Variants in PPP3R1 observed in about 807,000 individuals in gnomAD.
PPP3R1 encodes the protein protein phosphatase 3 regulatory subunit B, alpha.
In PPP3R1, 5 loss-of-function variants were observed where a neutral mutation model predicts 22.6. The observed-to-expected ratio is 0.22, with a 90% CI of 0.12 to 0.46. The LOEUF (loss-of-function observed/expected upper bound fraction) is 0.46. Ranked by LOEUF, PPP3R1 falls within the 20% of genes least tolerant of loss-of-function variation. The probability of loss-of-function intolerance (pLI) is 0.99; values close to 1 mark genes in which losing one functional copy is unlikely to be tolerated. For synonymous variants in PPP3R1, 56 were observed against 65.2 expected, an observed-to-expected ratio of 0.86 and a Z score of 0.68; for missense variants, 61 against 203.2, an observed-to-expected ratio of 0.30 and a Z score of 4.25.
intron 1 of PPP3R1, among the ~76,000 whole-genome samples, chr2:68,238,073 C>T (rs564659681): frequency 5.8e-4 from 89 of 152,176 alleles, no homozygotes; most frequent in Non-Finnish European, 1.0e-3. Flanking sequence ...CTATTTGTGC[C>T]TAACACACTG....
At chr2:68,219,695 T>C (rs1669648051) in intron 1 of PPP3R1, among the ~76,000 whole-genome samples, 1 of 152,156 alleles carries the variant, frequency 6.6e-6, no homozygotes, top group Non-Finnish European at 1.5e-5. Flanking sequence ...AATACTAAAA[T>C]AATGATAGAT....
intron 1 of PPP3R1, among the ~76,000 whole-genome samples, chr2:68,230,387 G>A (rs1217411099): frequency 6.6e-6 from 1 of 152,032 alleles, no homozygotes; most frequent in Admixed American, 6.6e-5. Flanking sequence ...TGTATCTGTA[G>A]AGCTTCCTTA....
chr2:68,236,283 C>T (rs1385128775), intron 1 of PPP3R1, among the ~76,000 whole-genome samples: 1 of 152,126 alleles, frequency 6.6e-6, no homozygotes, highest in African/African-American at 2.4e-5. Flanking sequence ...CATACTGCCA[C>T]ACTCATTCAT....
At chr2:68,198,284 T>C (rs529298747) in intron 2 of PPP3R1, among the ~76,000 whole-genome samples, 4 of 146,486 alleles carry the variant, frequency 2.7e-5, no homozygotes, top group African/African-American at 1.0e-4. Context: ...TATGCATGTA[T>C]GTGTATACAC....
intron 2 of PPP3R1, among the ~76,000 whole-genome samples, chr2:68,216,384 T>C (rs1296588604): frequency 6.6e-6 from 1 of 152,028 alleles, no homozygotes; most frequent in Admixed American, 6.6e-5. Flanking sequence ...AAGTTTGCTG[T>C]TCAGTCAGAG....
At chr2:68,245,902 G>A (rs1294684436) in intron 1 of PPP3R1, among the ~76,000 whole-genome samples, 1 of 151,798 alleles carries the variant, frequency 6.6e-6, no homozygotes, top group African/African-American at 2.4e-5. Flanking sequence ...TCTCTTTCAT[G>A]TTAAAAGGAT....
chr2:68,191,505 G>C (rs1312221905), intron 2 of PPP3R1, among the ~76,000 whole-genome samples: 1 of 152,160 alleles, frequency 6.6e-6, no homozygotes, highest in African/African-American at 2.4e-5. Flanking sequence ...GTGAGTGACT[G>C]GTGAGTTAAT....
At chr2:68,220,073 G>A (rs560846399) in intron 1 of PPP3R1, among the ~76,000 whole-genome samples, 1 of 152,204 alleles carries the variant, frequency 6.6e-6, no homozygotes, top group South Asian at 2.1e-4. Context: ...CATTTATCAG[G>A]CATTTTCTGT....
intron 1 of PPP3R1, among the ~76,000 whole-genome samples, chr2:68,232,088 G>A (rs568160446): frequency 3.7e-5 from 4 of 108,404 alleles, no homozygotes; most frequent in African/African-American, 1.1e-4. Context: ...GGGAATACCC[G>A]TATCTACTAA....
intron 2 of PPP3R1, among the ~76,000 whole-genome samples, chr2:68,209,202 C>CA (rs1298786231): frequency 2.0e-5 from 3 of 148,214 alleles, no homozygotes; most frequent in African/African-American, 7.4e-5. Context: ...ACTAAAAATA[C>CA]AAAAAAATTA....
intron 1 of PPP3R1, among the ~76,000 whole-genome samples, chr2:68,233,936 T>C (rs1669966291): frequency 6.6e-6 from 1 of 152,122 alleles, no homozygotes; most frequent in Non-Finnish European, 1.5e-5. Flanking sequence ...TAACATTTAC[T>C]GAATACAAAA....
In PPP3R1 at chr2:68,179,157, T is replaced by A; in HGVS notation, c.*1806A>T. ...GTAACAAATACTTATGTACAAAAAATTCACAAAAGGCTAGTTCCCCCTTGA... is the reference window on the plus strand; with the variant it reads ...GTAACAAATACTTATGTACAAAAAAATCACAAAAGGCTAGTTCCCCCTTGA... On this transcript the variant is annotated 3_prime_UTR_variant, in exon 6 of 6. Coordinates refer to ENST00000234310, the MANE Select transcript of PPP3R1 (RefSeq NM_000945.4). 1 of 152,548 alleles carries A rather than the reference T, an allele frequency of 6.6e-6. No individual in the cohort carries two copies. The highest frequency in any genetic ancestry group is 2.4e-5 in the African/African-American group (1 of 41,448). The allele number at this position is 152,548 out of a possible 1,614,324, so 9.4% of individuals were successfully genotyped here.
At chr2:68,249,944 G>A (rs1458250128) in intron 1 of PPP3R1, among the ~76,000 whole-genome samples, 1 of 152,130 alleles carries the variant, frequency 6.6e-6, no homozygotes, top group African/African-American at 2.4e-5. Flanking sequence ...AGAATTGTAT[G>A]TTCAATTAAC....
At chr2:68,214,035 C>G (rs143583707) in intron 2 of PPP3R1, among the ~76,000 whole-genome samples, 2 of 152,204 alleles carry the variant, frequency 1.3e-5, no homozygotes, top group Non-Finnish European at 2.9e-5. Context: ...CAAAAACAAG[C>G]AGTGCAGAAA....
intron 3 of PPP3R1, 53 bp downstream of exon 3, chr2:68,188,461 G>T: frequency 3.0e-6 from 4 of 1,322,988 alleles, no homozygotes; most frequent in Non-Finnish European, 3.1e-6. Flanking sequence ...AGAGCTGTAA[G>T]AATACAAATA....
intron 5 of PPP3R1, among the ~76,000 whole-genome samples, chr2:68,182,080 T>TCCACCCCCCC (rs1674421367): frequency 2.7e-5 from 1 of 37,400 alleles, no homozygotes; most frequent in African/African-American, 8.9e-5. Flanking sequence ...AACCCCCCCC[T>TCCACCCCCCC]CCCCCCACCA....
rs145629084 is a variant in PPP3R1, at chr2:68,200,841, T to C, written c.44-12151A>G. On this transcript the variant is annotated intron_variant, in intron 2 of 5. Transcript: ENST00000234310. ...GTCCTTTCTAACCCTTCTCTCAACA[T>C]GTATATTACCGTTTTTCCTACTGAA... Among the ~76,000 whole-genome samples the C allele has an allele frequency of 3.6e-3, 550 of 152,296 alleles. 2 individuals are homozygous for C. The highest frequency in any genetic ancestry group is 0.013 in the African/African-American group (525 of 41,554).
chr2:68,239,394 G>A (rs765555190), intron 1 of PPP3R1, among the ~76,000 whole-genome samples: 19 of 152,180 alleles, frequency 1.2e-4, no homozygotes, highest in Non-Finnish European at 2.2e-4. Context: ...AGACTTAGAA[G>A]TGAAGAGAGT....
chr2:68,241,659 C>T (rs986148874), intron 1 of PPP3R1, among the ~76,000 whole-genome samples: 1 of 152,194 alleles, frequency 6.6e-6, no homozygotes. Context: ...ACTTGACCAA[C>T]ATGGTGAAAT....
Sources: allele counts gnomAD v4.1 joint callset (sites outside exome capture counted in the v4.1 genomes callset), GRCh38; gene constraint gnomAD v4.1.1; transcripts MANE v1.5; gene names NCBI Gene and HGNC (gene_info 2026-07-23, HGNC 2026-07-21).